KHDRBS2: variants seen among roughly 807,000 people sequenced by gnomAD.
The protein encoded by KHDRBS2 is KH RNA binding domain containing, signal transduction associated 2, also known as KH domain-containing, RNA-binding, signal transduction-associated protein 2.
KHDRBS2 carries 26 observed loss-of-function variants against 44.3 expected under a neutral mutation model. The observed-to-expected ratio is 0.59, with a 90% CI of 0.43 to 0.81. The LOEUF is 0.81. KHDRBS2 is among the 40% of genes least tolerant of loss of function. The probability of loss-of-function intolerance (pLI) is 0.00; values close to 1 mark genes in which losing one functional copy is unlikely to be tolerated. For synonymous variants in KHDRBS2, 194 were observed against 151.1 expected (o/e 1.28, Z -2.08); for missense variants, 476 against 433.1 (o/e 1.10, Z -0.88).
At chr6:62,029,460 C>A (rs1409887347) in intron 3 of KHDRBS2, among the ~76,000 whole-genome samples, 2 of 151,730 alleles carry the variant, frequency 1.3e-5, no homozygotes, top group Non-Finnish European at 2.9e-5. Flanking sequence ...TAAGCTAAAT[C>A]TAGCATATAT....
the KHDRBS2 span, among the ~76,000 whole-genome samples, chr6:61,581,473 C>T: frequency 6.7e-6 from 1 of 149,940 alleles, no homozygotes; most frequent in Non-Finnish European, 1.5e-5. Flanking sequence ...CATAAAGCAT[C>T]CAGGACAAGT....
At chr6:61,986,905 G>A (rs1219846981) in intron 3 of KHDRBS2, among the ~76,000 whole-genome samples, 1 of 152,058 alleles carries the variant, frequency 6.6e-6, no homozygotes, top group African/African-American at 2.4e-5. Flanking sequence ...TCATATCAGG[G>A]ATCAAGGATT....
At chr6:61,907,895 T>C (rs959769872) in intron 4 of KHDRBS2, among the ~76,000 whole-genome samples, 3 of 152,238 alleles carry the variant, frequency 2.0e-5, no homozygotes, top group Non-Finnish European at 2.9e-5. Flanking sequence ...GCTTCAGTTA[T>C]ATAAAACTTT....
chr6:61,641,047 T>C, the KHDRBS2 span, among the ~76,000 whole-genome samples: 1 of 152,178 alleles, frequency 6.6e-6, no homozygotes, highest in Non-Finnish European at 1.5e-5. Flanking sequence ...TATATTCTTG[T>C]GTATGCTATG....
intron 2 of KHDRBS2, among the ~76,000 whole-genome samples, chr6:62,142,414 T>C (rs1487720151): frequency 1.3e-5 from 2 of 152,082 alleles, no homozygotes; most frequent in African/African-American, 4.8e-5. Context: ...AATTTACATA[T>C]AGATTTCAAT....
intron 6 of KHDRBS2, among the ~76,000 whole-genome samples, chr6:61,865,365 C>G (rs1797621355): frequency 6.6e-6 from 1 of 152,114 alleles, no homozygotes; most frequent in Admixed American, 6.6e-5. Flanking sequence ...GGGGAGGCCT[C>G]ACAATCATGG....
intron 7 of KHDRBS2, among the ~76,000 whole-genome samples, chr6:61,729,340 G>C (rs1490509873): frequency 6.6e-6 from 1 of 152,126 alleles, no homozygotes; most frequent in East Asian, 1.9e-4. Context: ...TTCAGGAGGA[G>C]GGAGAGGATC....
chr6:61,913,306 T>A (rs1806385330), intron 4 of KHDRBS2, among the ~76,000 whole-genome samples: 1 of 152,024 alleles, frequency 6.6e-6, no homozygotes. Context: ...GCTCCTGTCC[T>A]TTGCCTGAGG....
intron 2 of KHDRBS2, among the ~76,000 whole-genome samples, chr6:62,079,206 A>G (rs544321575): frequency 6.6e-6 from 1 of 151,996 alleles, no homozygotes; most frequent in Non-Finnish European, 1.5e-5. Flanking sequence ...TTTATTTATC[A>G]TGCTGTTTTG....
At chr6:61,578,298 C>A in the KHDRBS2 span, among the ~76,000 whole-genome samples, 1 of 152,126 alleles carries the variant, frequency 6.6e-6, no homozygotes, top group Non-Finnish European at 1.5e-5. Context: ...TGCTTATTTT[C>A]ACTTAAGAAT....
chr6:62,003,987 G>T (rs1464835698), intron 3 of KHDRBS2, among the ~76,000 whole-genome samples: 2 of 152,108 alleles, frequency 1.3e-5, no homozygotes, highest in Admixed American at 1.3e-4. Context: ...CAGAATCTCT[G>T]GGACACATTT....
intron 2 of KHDRBS2, among the ~76,000 whole-genome samples, chr6:62,086,401 G>A (rs1013471067): frequency 7.2e-5 from 11 of 152,064 alleles, no homozygotes; most frequent in African/African-American, 1.9e-4. Context: ...GCAAGACAGT[G>A]GGAGATGCAA....
At chr6:61,570,242 A>T in the KHDRBS2 span, among the ~76,000 whole-genome samples, 1 of 152,188 alleles carries the variant, frequency 6.6e-6, no homozygotes, top group Non-Finnish European at 1.5e-5. Context: ...CAACTTCCAG[A>T]AATGAAAGAC....
chr6:61,891,708 C>T lies in KHDRBS2; in HGVS notation c.810+2927G>A, dbSNP rs1182236960. Among the ~76,000 whole-genome samples the T allele has an allele frequency of 5.3e-5, 8 of 152,058 alleles. No homozygotes were observed. The South Asian group carries it at 1.0e-3, about 20-fold the overall frequency. On this transcript the variant is annotated intron_variant, in intron 6 of 8. Transcript: ENST00000281156. ...TGTGACAAAATTCAACAACACTTTA[C>T]GCTAAAAACTCTCAATAAATTAGGT...
intron 2 of KHDRBS2, among the ~76,000 whole-genome samples, chr6:62,053,985 A>C (rs1789688227): frequency 6.6e-6 from 1 of 152,050 alleles, no homozygotes; most frequent in Admixed American, 6.6e-5. Flanking sequence ...ATTTTCTAGA[A>C]ATAAATTTAG....
intron 2 of KHDRBS2, among the ~76,000 whole-genome samples, chr6:62,052,785 T>G (rs1371338757): frequency 6.6e-6 from 1 of 152,040 alleles, no homozygotes; most frequent in African/African-American, 2.4e-5. Flanking sequence ...AGGGTTGATC[T>G]GACAGGAGGT....
At chr6:61,544,622 T>G in the KHDRBS2 span, among the ~76,000 whole-genome samples, 1 of 152,112 alleles carries the variant, frequency 6.6e-6, no homozygotes, top group East Asian at 1.9e-4. Context: ...TGTGGCTGAA[T>G]GAAAGATTTC....
At chr6:61,666,468 T>C in the KHDRBS2 span, among the ~76,000 whole-genome samples, 5 of 151,450 alleles carry the variant, frequency 3.3e-5, no homozygotes, top group African/African-American at 1.2e-4. Flanking sequence ...ATATATATAT[T>C]TGTTTCACAA....
At chr6:62,103,195 T>A (rs1181551739) in intron 2 of KHDRBS2, among the ~76,000 whole-genome samples, 1 of 152,062 alleles carries the variant, frequency 6.6e-6, no homozygotes, top group Non-Finnish European at 1.5e-5. Flanking sequence ...AGGCTTCCAG[T>A]CATCCCTGAC....
Sources: gnomAD v4.1 joint callset for allele counts (sites outside exome capture counted in the v4.1 genomes callset) on GRCh38, gnomAD v4.1.1 for gene constraint, MANE v1.5 for transcripts, NCBI Gene and HGNC (gene_info 2026-07-23, HGNC 2026-07-21) for gene names.